The following ATP13A3 variants were observed in gnomAD, a reference collection of about 807,000 sequenced individuals.
The protein encoded by ATP13A3 is polyamine-transporting ATPase 13A3.
ATP13A3 carries 59 observed loss-of-function variants against 158.1 expected under a neutral mutation model. That is an observed-to-expected ratio of 0.37 (90% CI 0.30 to 0.46). The LOEUF is 0.46. ATP13A3 is among the 20% of genes least tolerant of loss of function. ATP13A3 has a pLI of 1.00. For synonymous variants in ATP13A3, 491 were observed against 504.3 expected (o/e 0.97, Z 0.35); for missense variants, 1,166 against 1,525.2 (o/e 0.76, Z 3.92).
chr3:194,449,703 A>AC (rs369890333), intron 11 of ATP13A3, among the ~76,000 whole-genome samples: 8 of 151,850 alleles, frequency 5.3e-5, no homozygotes, highest in African/African-American at 1.7e-4. Context: ...AAAAAAACAA[A>AC]AAAAAAATCA....
chr3:194,425,955 G>A (rs1044276675), intron 29 of ATP13A3, among the ~76,000 whole-genome samples: 2 of 152,188 alleles, frequency 1.3e-5, no homozygotes, highest in Admixed American at 6.5e-5. Flanking sequence ...TCATGCAAAT[G>A]CCTAGCGAGT....
chr3:194,493,664 T>A (rs1489650905), intron 2 of ATP13A3, among the ~76,000 whole-genome samples: 1 of 152,110 alleles, frequency 6.6e-6, no homozygotes, highest in Non-Finnish European at 1.5e-5. Flanking sequence ...AGAATCCCTC[T>A]TTAGTGCATA....
rs1716693585 is a variant in ATP13A3 at position 194,425,452 on chromosome 3, A to G, written c.3203T>C (p.Ile1068Thr). The change falls in exon 30 of 34, where the codon ATA (isoleucine) becomes ACA (threonine). Residue 1068 changes from isoleucine to threonine, a missense_variant. Transcript: ENST00000645319. ...CACTGTGGTATTTTCATAATTTTGT[A>G]TATTATGTTCATCAAGTTCGGTTTC... ...DNETELDEHN[I>T]QNYENTTVFF... The G allele has an allele frequency of 2.5e-6, 4 of 1,613,296 alleles. No individual in the cohort carries two copies. The highest frequency in any genetic ancestry group is 3.4e-6 in the Non-Finnish European group (4 of 1,179,400).
In ATP13A3 at chr3:194,467,886, A is replaced by T. The variant is rs1485688347; in HGVS notation, c.-46-5650T>A. On this transcript the variant is annotated intron_variant, in intron 2 of 33. Coordinates refer to ENST00000645319, the MANE Select transcript of ATP13A3 (RefSeq NM_001367549.1). ...AAATTGATAAACCCATTACTTACAG[A>T]AATATAACTTTTCTGGACTGCTGGA... The T allele has an allele frequency of 7.2e-5, 11 of 152,322 alleles. No homozygotes were observed. The East Asian group carries it at 1.9e-3, about 27-fold the overall frequency. 9.4% of individuals were successfully genotyped at this position (152,322 alleles called of 1,614,324 possible).
intron 2 of ATP13A3, among the ~76,000 whole-genome samples, chr3:194,463,923 G>T (rs1284676182): frequency 6.6e-6 from 1 of 152,216 alleles, no homozygotes; most frequent in African/African-American, 2.4e-5. Flanking sequence ...GCTCTGGGAG[G>T]CCAAGGCAGG....
At chr3:194,443,038 T>C in intron 15 of ATP13A3, among the ~76,000 whole-genome samples, 1 of 140,832 alleles carries the variant, frequency 7.1e-6, no homozygotes, top group Non-Finnish European at 1.5e-5. Flanking sequence ...TGCTTTCACT[T>C]AAAAAAAAAA....
intron 21 of ATP13A3, among the ~76,000 whole-genome samples, chr3:194,433,268 G>C (rs1474259099): frequency 6.4e-5 from 8 of 124,484 alleles, no homozygotes; most frequent in Non-Finnish European, 1.1e-4. Flanking sequence ...ACGGAGTCTC[G>C]CTCTGTCGCC....
In ATP13A3 at chr3:194,455,982, T is replaced by G; in HGVS notation, c.561-20A>C. 7.1e-7 allele frequency: 1 copy of G among 1,409,996 alleles called. No homozygotes were observed. Among genetic ancestry groups the G allele is most frequent in the Non-Finnish European group, 9.8e-7 (1 of 1,022,010 alleles). 87.3% of individuals were successfully genotyped at this position (1,409,996 alleles called of 1,614,324 possible). A position where few individuals can be genotyped will look rare whatever the true frequency, so the allele number is the denominator to read the frequency against. On this transcript the variant is annotated intron_variant, in intron 7 of 33. Transcript: ENST00000645319. Reference sequence around the variant, plus strand: ...AGTTTTCTATAACAGGAAAATACATTCATAGTATTACATTATATCATAATA... The same window carrying G: ...AGTTTTCTATAACAGGAAAATACATGCATAGTATTACATTATATCATAATA...
upstream of ATP13A3, among the ~76,000 whole-genome samples, chr3:194,487,164 A>C (rs1417407837): frequency 6.6e-6 from 1 of 152,142 alleles, no homozygotes; most frequent in African/African-American, 2.4e-5. Flanking sequence ...AAAAGAAAGA[A>C]AGAGGCAGGT....
intron 31 of ATP13A3, among the ~76,000 whole-genome samples, chr3:194,417,568 G>A (rs951506569): frequency 1.3e-5 from 2 of 152,032 alleles, no homozygotes; most frequent in South Asian, 2.1e-4. Flanking sequence ...TGGTAGCATG[G>A]ACAATATAGT....
At position 194,441,440 on chromosome 3, in the gene ATP13A3, A is replaced by G. The variant is rs1319372277; in HGVS notation, c.1581T>C (p.Asn527=). The change falls in exon 16 of 34, where the codon AAT becomes AAC. Residue 527 remains asparagine (N), a synonymous_variant. Coordinates refer to ENST00000645319, the MANE Select transcript of ATP13A3 (RefSeq NM_001367549.1). ...ATTTTACCAACATCTCATTGCACAC[A>G]TTTTCTTCTGGTGAAAGAAATCTAA... ...ENARFLSPEE[N]VCNEMLVKSQ... 9.9e-6 allele frequency: 16 copies of G among 1,613,302 alleles called. No individual in the cohort carries two copies. Among genetic ancestry groups the G allele is most frequent in the Non-Finnish European group, 1.4e-5 (16 of 1,179,516 alleles).
chr3:194,428,619 T>C (rs1716990064), intron 28 of ATP13A3, among the ~76,000 whole-genome samples: 1 of 152,116 alleles, frequency 6.6e-6, no homozygotes, highest in South Asian at 2.1e-4. Flanking sequence ...CAAAAGAGCA[T>C]AATGACTCAA....
Position 194,405,713 on chromosome 3 carries a change from C to T in ATP13A3, c.*206G>A. ...TGGGTTGCTGAATGAAGATATAGGA[C>T]TTTATGGATTGATTGTTAATTTAAC... is the stretch of plus-strand genomic sequence containing the variant. On this transcript the variant is annotated 3_prime_UTR_variant, in exon 34 of 34. Transcript: ENST00000645319. The T allele has an allele frequency of 1.8e-6, 1 of 559,570 alleles. No homozygotes were observed. The highest frequency in any genetic ancestry group is 2.3e-5 in the South Asian group (1 of 43,314). The allele number at this position is 559,570 out of a possible 1,614,324, so 34.7% of individuals were successfully genotyped here.
In ATP13A3 at chr3:194,459,835, T is replaced by C; in HGVS notation, c.362A>G (p.Glu121Gly). The C allele has an allele frequency of 6.2e-7, 1 of 1,613,436 alleles. No individual in the cohort carries two copies. The highest frequency in any genetic ancestry group is 1.1e-5 in the South Asian group (1 of 90,994). The change falls in exon 5 of 34, where the codon GAA (glutamate) becomes GGA (glycine). Residue 121 changes from glutamate (E) to glycine (G), a missense_variant. Around this residue, in one of 3 missense-constraint regions of ATP13A3, gnomAD observed 104 missense variants for 91.7 expected, o/e 1.13. Transcript: ENST00000645319. ...AVCLIENPTE[E>G]NRHRISKYSQ... ...ATATTTACTGATCCTGTGCCTATTT[T>C]CTTCAGTGGGATTCTCAATTAAACA...
At chr3:194,441,496 T>G in intron 15 of ATP13A3, 35 bp from the exon 16 acceptor site, 1 of 1,577,304 alleles carries the variant, frequency 6.3e-7, no homozygotes, top group Non-Finnish European at 8.7e-7. Flanking sequence ...GTTTCATAAA[T>G]TCTAAGATTC....
At chr3:194,437,040 T>G (rs1209010424) in intron 20 of ATP13A3, 55 bp downstream of exon 20, 1 of 1,566,730 alleles carries the variant, frequency 6.4e-7, no homozygotes, top group Non-Finnish European at 8.7e-7. Flanking sequence ...TGTGCATGAC[T>G]AATATAACCA....
intron 2 of ATP13A3, among the ~76,000 whole-genome samples, chr3:194,475,180 T>G (rs1230225581): frequency 3.3e-5 from 5 of 152,222 alleles, no homozygotes; most frequent in African/African-American, 1.2e-4. Context: ...TAAAAACATA[T>G]AAACCTCAGA....
intron 15 of ATP13A3, among the ~76,000 whole-genome samples, chr3:194,444,343 T>A (rs147201904): frequency 3.5e-4 from 53 of 152,270 alleles, no homozygotes; most frequent in African/African-American, 1.2e-3. Context: ...CAGTTAAAAT[T>A]AATAAACTAG....
intron 4 of ATP13A3, 31 bp from the exon 5 acceptor site, chr3:194,460,002 G>C: frequency 6.5e-7 from 1 of 1,531,980 alleles, no homozygotes; most frequent in Non-Finnish European, 8.9e-7. Context: ...ACGGTAAGGA[G>C]TCAATTTTAT....
Sources: gnomAD v4.1 joint callset for allele counts (sites outside exome capture counted in the v4.1 genomes callset) on GRCh38, gnomAD v4.1.1 for gene constraint, gnomAD v4.1.1 regional missense constraint, MANE v1.5 for transcripts, NCBI Gene and HGNC (gene_info 2026-07-23, HGNC 2026-07-21) for gene names.